PDSS1: variants seen among roughly 807,000 people sequenced by gnomAD.
PDSS1 encodes the protein all trans-polyprenyl-diphosphate synthase PDSS1.
Under a neutral mutation model 57.5 loss-of-function variants are expected in PDSS1, and 43 were observed. That is an observed-to-expected ratio of 0.75 (90% CI 0.59 to 0.96). The LOEUF is 0.96. Among genes scored for constraint, PDSS1 ranks in the 50% least tolerant of loss-of-function variants. The probability of loss-of-function intolerance (pLI) is 0.00; values close to 1 mark genes in which losing one functional copy is unlikely to be tolerated. For synonymous variants in PDSS1, 175 were observed against 191.3 expected, an observed-to-expected ratio of 0.91 and a Z score of 0.70; for missense variants, 438 against 527.8, an observed-to-expected ratio of 0.83 and a Z score of 1.67.
rs1016350421 is a variant in PDSS1, at chr10:26,728,362, C to T, written c.831+4239C>T. Reference sequence around the variant, plus strand: ...AAAATTAGCCGGGCGTAGTGGCAGGCGCCTATAATCCCAGCTACTCTGGAG... The same window carrying T: ...AAAATTAGCCGGGCGTAGTGGCAGGTGCCTATAATCCCAGCTACTCTGGAG... On this transcript the variant is annotated intron_variant, in intron 8 of 11. Transcript: ENST00000376215. Among the ~76,000 whole-genome samples, 1,419 of 151,862 alleles carry T rather than the reference C, an allele frequency of 9.3e-3. 8 individuals carry two copies. Among genetic ancestry groups the T allele is most frequent in the Non-Finnish European group, 0.015 (1,027 of 67,836 alleles).
intron 10 of PDSS1, 48 bp from the exon 11 acceptor site, chr10:26,742,449 C>G: frequency 1.5e-6 from 2 of 1,339,564 alleles, no homozygotes; most frequent in Non-Finnish European, 2.1e-6. Context: ...TTGTTTCTCC[C>G]AAGAGAAATA....
intron 8 of PDSS1, among the ~76,000 whole-genome samples, chr10:26,725,912 A>G (rs1835935255): frequency 6.6e-6 from 1 of 152,206 alleles, no homozygotes; most frequent in Non-Finnish European, 1.5e-5. Context: ...CCCCATCTCT[A>G]CTTAAAAATA....
chr10:26,738,652 T>C (rs1432513131), intron 10 of PDSS1, among the ~76,000 whole-genome samples: 1 of 152,202 alleles, frequency 6.6e-6, no homozygotes, highest in Non-Finnish European at 1.5e-5. Context: ...TCTTTGAACT[T>C]TTCCATTTGT....
At chr10:26,719,664 G>T (rs1413670848) in intron 5 of PDSS1, among the ~76,000 whole-genome samples, 1 of 152,134 alleles carries the variant, frequency 6.6e-6, no homozygotes, top group East Asian at 1.9e-4. Flanking sequence ...GCTACTCATG[G>T]AGGCTGAAGT....
Position 26,725,852 on chromosome 10 carries a change from G to A in PDSS1, c.831+1729G>A, listed in dbSNP as rs77238704. ...GCATTTAGGGAGACTGAGGCGGAAG[G>A]TTTGCTTGTGACCAGAAGTTCAAGA... On this transcript the variant is annotated intron_variant, in intron 8 of 11. Coordinates refer to ENST00000376215, the MANE Select transcript of PDSS1 (RefSeq NM_014317.5). 8.3e-3 allele frequency among the ~76,000 whole-genome samples: 1,263 copies of A among 152,306 alleles called. 35 individuals carry two copies. In the East Asian group the frequency reaches 0.088, roughly 11 times the overall value.
At chr10:26,704,031 G>A (rs570480502) in intron 2 of PDSS1, among the ~76,000 whole-genome samples, 4 of 128,974 alleles carry the variant, frequency 3.1e-5, no homozygotes, top group African/African-American at 5.8e-5. Context: ...GCAGTGAGCC[G>A]AGATAGCGCC....
Position 26,725,496 on chromosome 10 carries a change from T to C in PDSS1, c.831+1373T>C, listed in dbSNP as rs79501745. ...TTTATTAAAAGGGCTATTATGTTTT[T>C]ATTTCCAAGAAATTATGTGGGTTTT... On this transcript the variant is annotated intron_variant, in intron 8 of 11. Transcript: ENST00000376215. Among the ~76,000 whole-genome samples the C allele has an allele frequency of 2.4e-3, 360 of 152,250 alleles. 2 individuals carry two copies. Among genetic ancestry groups the C allele is most frequent in the East Asian group, 0.014 (73 of 5,184 alleles).
At chr10:26,714,784 C>T (rs970753277) in intron 5 of PDSS1, 3 of 152,230 alleles carry the variant, frequency 2.0e-5, no homozygotes, top group African/African-American at 7.2e-5. Flanking sequence ...CATTGGATTA[C>T]ATTAGTCCAG....
intron 1 of PDSS1, among the ~76,000 whole-genome samples, chr10:26,698,634 A>G (rs1289660275): frequency 6.6e-6 from 1 of 152,218 alleles, no homozygotes; most frequent in East Asian, 1.9e-4. Context: ...GGGTAGGCCC[A>G]TGCTATTAGC....
chr10:26,735,525 A>C lies in PDSS1; in HGVS notation c.972A>C (p.Ser324=). 6.2e-7 allele frequency: 1 copy of C among 1,614,118 alleles called. No homozygotes were observed. The highest frequency in any genetic ancestry group is 8.5e-7 in the Non-Finnish European group (1 of 1,179,952). The change falls in exon 10 of 12, where the codon TCA becomes TCC. Residue 324 remains serine, a synonymous_variant. Transcript: ENST00000376215. ...SCSDQMGKPT[S]ADLKLGLATG... is the part of the protein sequence containing the mutation. ...CTGACCAGATGGGCAAACCAACATC[A>C]GCTGATCTGAAGCTCGGGTTAGCCA...
intron 1 of PDSS1, chr10:26,701,901 A>C (rs1369622163): frequency 2.2e-6 from 1 of 452,392 alleles, no homozygotes; most frequent in Non-Finnish European, 4.4e-6. Flanking sequence ...TGGGGGTTGA[A>C]CCCTGCAAAG....
intron 5 of PDSS1, among the ~76,000 whole-genome samples, chr10:26,719,942 A>G (rs551053939): frequency 6.6e-6 from 1 of 152,198 alleles, no homozygotes; most frequent in Non-Finnish European, 1.5e-5. Flanking sequence ...TCAGCCCAAT[A>G]AGATCAGCCA....
rs552932666 is a variant in PDSS1, at chr10:26,700,228, A to G, written c.130-1934A>G. Among the ~76,000 whole-genome samples the G allele has an allele frequency of 4.0e-5, 6 of 150,814 alleles. No individual in the cohort carries two copies. The South Asian group carries it at 1.3e-3, about 32-fold the overall frequency. On this transcript the variant is annotated intron_variant, in intron 1 of 11. Transcript: ENST00000376215. The stretch of plus-strand genomic sequence containing the variant: ...TTTGTGTTGGCCAGGTTGGTCTTGA[A>G]CTCTTGGACTCAAGCCATTCCCCCC...
intron 6 of PDSS1, among the ~76,000 whole-genome samples, chr10:26,723,423 C>A (rs188440201): frequency 1.3e-5 from 2 of 152,290 alleles, no homozygotes; most frequent in African/African-American, 2.4e-5. Context: ...CAGGTGTCAA[C>A]TGGGGAGATG....
intron 11 of PDSS1, among the ~76,000 whole-genome samples, chr10:26,745,850 A>AAAAAG (rs1238490324): frequency 1.3e-5 from 2 of 152,084 alleles, no homozygotes; most frequent in African/African-American, 4.8e-5. Context: ...TGTCTCAAAA[A>AAAAAG]AAAAGAAAAA....
At chr10:26,728,458 C>A (rs1332067600) in intron 8 of PDSS1, among the ~76,000 whole-genome samples, 10 of 151,724 alleles carry the variant, frequency 6.6e-5, no homozygotes. Context: ...CCATTGCACT[C>A]AAGCCTGGGC....
intron 8 of PDSS1, among the ~76,000 whole-genome samples, chr10:26,732,860 C>T (rs1485399274): frequency 6.6e-6 from 1 of 152,186 alleles, no homozygotes; most frequent in African/African-American, 2.4e-5. Flanking sequence ...GTGGCTCACG[C>T]CTGTAATCCC....
intron 11 of PDSS1, among the ~76,000 whole-genome samples, chr10:26,744,188 G>A (rs528333965): frequency 3.1e-4 from 47 of 152,230 alleles, no homozygotes; most frequent in African/African-American, 1.0e-3. Context: ...ACTTATGCTA[G>A]AAAATGGTGT....
rs1355356943 is a variant in PDSS1 at position 26,712,783 on chromosome 10, C to G, written c.467+3015C>G. Among the ~76,000 whole-genome samples the G allele has an allele frequency of 3.1e-5, 3 of 98,102 alleles. 1 individual carries two copies. The East Asian group carries it at 7.5e-4, about 25-fold the overall frequency. 64.4% of individuals were successfully genotyped at this position (98,102 alleles called of 152,430 possible). On this transcript the variant is annotated intron_variant, in intron 5 of 11. Coordinates refer to ENST00000376215, the MANE Select transcript of PDSS1 (RefSeq NM_014317.5). ...GCTAAAGATTCAGGAGCAGCACCAT[C>G]CATGTTCAGTGCCAAGAGAGCCCCT... is the stretch of plus-strand genomic sequence containing the variant.
Sources: allele counts gnomAD v4.1 joint callset (sites outside exome capture counted in the v4.1 genomes callset), GRCh38; gene constraint gnomAD v4.1.1; transcripts MANE v1.5; gene names NCBI Gene and HGNC (gene_info 2026-07-23, HGNC 2026-07-21).